The following MAPK10 variants were observed in gnomAD, a reference collection of about 807,000 sequenced individuals.
MAPK10 encodes the protein JNK3 alpha protein kinase.
In MAPK10, 25 loss-of-function variants were observed where a neutral mutation model predicts 59.3. The ratio of observed to expected loss-of-function variants is 0.42; its 90% CI spans 0.31 to 0.59. The LOEUF (loss-of-function observed/expected upper bound fraction) is 0.59, where lower values mean the gene tolerates loss of function less well. Ranked by LOEUF, MAPK10 falls within the 20% of genes least tolerant of loss-of-function variation. The pLI is 0.15. For missense variants in MAPK10, 351 were observed against 568.9 expected (o/e 0.62, Z 3.90); for synonymous variants, 190 against 200.5 (o/e 0.95, Z 0.44).
At chr4:86,179,532 A>G (rs930196978) in intron 3 of MAPK10, among the ~76,000 whole-genome samples, 1 of 152,110 alleles carries the variant, frequency 6.6e-6, no homozygotes, top group African/African-American at 2.4e-5. Context: ...AAAGGCCCCA[A>G]ATAGCCAAAG....
intron 1 of MAPK10, among the ~76,000 whole-genome samples, chr4:86,458,593 G>A (rs532216773): frequency 2.4e-4 from 37 of 152,222 alleles, no homozygotes; most frequent in Non-Finnish European, 4.6e-4. Context: ...TAATAGAATA[G>A]AAAACCCAGA....
intron 9 of MAPK10, among the ~76,000 whole-genome samples, chr4:86,094,664 G>T (rs1422051063): frequency 1.3e-5 from 2 of 151,854 alleles, no homozygotes; most frequent in African/African-American, 2.4e-5. Context: ...GGCATGTCCT[G>T]GTTGGGGTTT....
chr4:86,348,680 A>T (rs905859685), intron 2 of MAPK10, among the ~76,000 whole-genome samples: 7 of 152,156 alleles, frequency 4.6e-5, no homozygotes, highest in Non-Finnish European at 2.9e-5. Flanking sequence ...ATAAAAAAAA[A>T]ATTTATGTGC....
At position 86,580,368 on chromosome 4, in the gene MAPK10, G is replaced by A. The variant is rs543955153; in HGVS notation, c.-263+13542C>T. Among the ~76,000 whole-genome samples the A allele has an allele frequency of 3.9e-5, 6 of 152,026 alleles. No individual in the cohort carries two copies. The East Asian group carries it at 9.9e-4, about 25-fold the overall frequency. ...ACAAAAATTAGCCGGGCATGGTGGCGTACATCTGTAGTCCCAGCTACTTGG... is the reference window on the plus strand; with the variant it reads ...ACAAAAATTAGCCGGGCATGGTGGCATACATCTGTAGTCCCAGCTACTTGG... On this transcript the variant is annotated intron_variant, in intron 1 of 4. Coordinates refer to the MAPK10 transcript ENST00000502302.
intron 2 of MAPK10, among the ~76,000 whole-genome samples, chr4:86,297,459 C>T (rs1041487897): frequency 6.6e-6 from 1 of 151,972 alleles, no homozygotes; most frequent in African/African-American, 2.4e-5. Flanking sequence ...ATTACTGGTG[C>T]CCACCACCAA....
chr4:86,035,509 AGAG>A (rs2040087855), intron 11 of MAPK10, among the ~76,000 whole-genome samples: 1 of 151,844 alleles, frequency 6.6e-6, no homozygotes, highest in Admixed American at 6.6e-5. Context: ...CTGTAAGCAG[AGAG>A]AAGAGGTAGG....
chr4:86,331,761 T>C (rs947481617), intron 2 of MAPK10, among the ~76,000 whole-genome samples: 1 of 152,170 alleles, frequency 6.6e-6, no homozygotes, highest in Non-Finnish European at 1.5e-5. Flanking sequence ...GCACTTTTTA[T>C]TAAGAGTAAC....
chr4:86,454,721 G>T (rs2149057701), upstream of MAPK10, among the ~76,000 whole-genome samples: 1 of 152,228 alleles, frequency 6.6e-6, no homozygotes, highest in Middle Eastern at 3.4e-3. Flanking sequence ...GATTAATCAA[G>T]AAAAATTTCT....
intron 3 of MAPK10, among the ~76,000 whole-genome samples, chr4:86,186,151 T>C (rs1346910085): frequency 3.3e-5 from 5 of 152,262 alleles, no homozygotes; most frequent in African/African-American, 1.2e-4. Context: ...TTAATTCTCA[T>C]AACAAGCCTA....
chr4:86,178,229 T>C (rs545669717), intron 3 of MAPK10, among the ~76,000 whole-genome samples: 7 of 152,218 alleles, frequency 4.6e-5, no homozygotes, highest in Admixed American at 3.3e-4. Flanking sequence ...TTGTTCTCAG[T>C]TAAATGTAGT....
chr4:86,331,834 T>C (rs2096162265), intron 2 of MAPK10, among the ~76,000 whole-genome samples: 2 of 151,484 alleles, frequency 1.3e-5, no homozygotes, highest in Admixed American at 6.6e-5. Context: ...AAATGTACAA[T>C]GTGACAAATG....
intron 1 of MAPK10, among the ~76,000 whole-genome samples, chr4:86,373,873 A>T (rs1340665830): frequency 6.6e-6 from 1 of 152,176 alleles, no homozygotes; most frequent in East Asian, 1.9e-4. Context: ...TAGAACCAGA[A>T]ATACCATTTG....
intron 2 of MAPK10, among the ~76,000 whole-genome samples, chr4:86,212,831 T>C (rs2086223619): frequency 1.3e-5 from 2 of 152,216 alleles, no homozygotes; most frequent in South Asian, 4.1e-4. Flanking sequence ...ACCATACAAA[T>C]ACAAATTATA....
chr4:86,277,559 A>G (rs1194157847), intron 2 of MAPK10, among the ~76,000 whole-genome samples: 2 of 152,184 alleles, frequency 1.3e-5, no homozygotes, highest in African/African-American at 4.8e-5. Flanking sequence ...GTGCCTAAGT[A>G]TTGAGATAAA....
At chr4:86,459,185 G>A (rs1396757936) in intron 1 of MAPK10, among the ~76,000 whole-genome samples, 2 of 152,174 alleles carry the variant, frequency 1.3e-5, no homozygotes, top group Non-Finnish European at 2.9e-5. Flanking sequence ...TAGTGATCAG[G>A]GAAATTCAAG....
chr4:86,075,657 G>C (rs2049162646), intron 9 of MAPK10, among the ~76,000 whole-genome samples: 1 of 151,990 alleles, frequency 6.6e-6, no homozygotes, highest in South Asian at 2.1e-4. Flanking sequence ...CCTGCTGTGT[G>C]AGGTGGCAGT....
At chr4:86,119,096 C>G (rs1247166691) in intron 4 of MAPK10, among the ~76,000 whole-genome samples, 1 of 152,010 alleles carries the variant, frequency 6.6e-6, no homozygotes, top group Non-Finnish European at 1.5e-5. Context: ...TTTGGCTGTA[C>G]AAGTTTGGTT....
intron 4 of MAPK10, among the ~76,000 whole-genome samples, chr4:86,158,766 A>G (rs1474975529): frequency 1.3e-5 from 2 of 151,998 alleles, no homozygotes; most frequent in East Asian, 3.8e-4. Flanking sequence ...ATGTCATAAA[A>G]GAATTGTTAC....
At chr4:86,271,859 C>T (rs2094444429) in intron 2 of MAPK10, among the ~76,000 whole-genome samples, 1 of 152,038 alleles carries the variant, frequency 6.6e-6, no homozygotes, top group South Asian at 2.1e-4. Context: ...ATTCAACTAC[C>T]TCCCACTGGG....
Sources: gnomAD v4.1 joint callset for allele counts (sites outside exome capture counted in the v4.1 genomes callset) on GRCh38, gnomAD v4.1.1 for gene constraint, MANE v1.5 for transcripts, NCBI Gene and HGNC (gene_info 2026-07-23, HGNC 2026-07-21) for gene names.